Variants in ELP4 observed in about 807,000 individuals in gnomAD.
The protein encoded by ELP4 is elongator acetyltransferase complex subunit 4, also known as elongator complex protein 4.
A neutral mutation model predicts 48.9 loss-of-function variants in ELP4; 51 were observed. That is an observed-to-expected ratio of 1.04 (90% CI 0.83 to 1.32). The LOEUF (loss-of-function observed/expected upper bound fraction) is 1.32, where lower values mean the gene tolerates loss of function less well. Ranked by LOEUF, ELP4 falls within the 40% of genes most tolerant of loss-of-function variation. The pLI is 0.00. For missense variants in ELP4, 519 were observed against 514.6 expected, an observed-to-expected ratio of 1.01 and a Z score of -0.08; for synonymous variants, 210 against 189.2, an observed-to-expected ratio of 1.11 and a Z score of -0.90.
At chr11:31,572,659 T>C (rs937388272) in intron 3 of ELP4, among the ~76,000 whole-genome samples, 1 of 152,212 alleles carries the variant, frequency 6.6e-6, no homozygotes, top group African/African-American at 2.4e-5. Flanking sequence ...ACATTCTTTT[T>C]ATTGAAGTCC....
chr11:31,592,895 G>A (rs572184647), intron 3 of ELP4, among the ~76,000 whole-genome samples: 7 of 152,176 alleles, frequency 4.6e-5, no homozygotes, highest in South Asian at 4.1e-4. Context: ...TAATGTAAGA[G>A]CATTTCTTAG....
intron 3 of ELP4, among the ~76,000 whole-genome samples, chr11:31,551,707 T>C (rs1191663487): frequency 6.6e-6 from 1 of 152,200 alleles, no homozygotes; most frequent in Non-Finnish European, 1.5e-5. Flanking sequence ...GTGTCTGTTA[T>C]ACCTGAATAA....
At chr11:31,709,369 A>G (rs905340038) in intron 9 of ELP4, among the ~76,000 whole-genome samples, 1 of 152,180 alleles carries the variant, frequency 6.6e-6, no homozygotes, top group East Asian at 1.9e-4. Context: ...CTAAAACTGA[A>G]AAGCTGCTCC....
chr11:31,650,137 T>A lies in ELP4; in HGVS notation c.1059T>A (p.Ile353=). ...AAGGATTGATTCATATACGGCAGATTCCTCGGCTTAATAACTTGATCTGTG... is the reference window on the plus strand; with the variant it reads ...AAGGATTGATTCATATACGGCAGATACCTCGGCTTAATAACTTGATCTGTG... ...DYHGLIHIRQ[I]PRLNNLICDE... is the part of the protein sequence containing the mutation. The change falls in exon 9 of 10, where the codon ATT becomes ATA. Residue 353 remains isoleucine, a synonymous_variant. Transcript: ENST00000640961. 6.6e-7 allele frequency: 1 copy of A among 1,509,776 alleles called. No individual in the cohort carries two copies. Among genetic ancestry groups the A allele is most frequent in the Non-Finnish European group, 9.1e-7 (1 of 1,093,710 alleles). 93.5% of individuals were successfully genotyped at this position (1,509,776 alleles called of 1,614,324 possible).
At chr11:31,596,477 C>T (rs1957673431) in intron 4 of ELP4, among the ~76,000 whole-genome samples, 1 of 152,152 alleles carries the variant, frequency 6.6e-6, no homozygotes, top group African/African-American at 2.4e-5. Context: ...CTCCACCACA[C>T]AGAAAATTTT....
At chr11:31,565,009 C>G (rs1462038299) in intron 3 of ELP4, among the ~76,000 whole-genome samples, 1 of 152,170 alleles carries the variant, frequency 6.6e-6, no homozygotes, top group Non-Finnish European at 1.5e-5. Context: ...TAAAAGTGTT[C>G]CTATGTCTCC....
At chr11:31,541,539 A>T (rs1046070677) in intron 3 of ELP4, 1 of 152,238 alleles carries the variant, frequency 6.6e-6, no homozygotes, top group East Asian at 1.9e-4. Context: ...AAGATTTTAT[A>T]TCAAACATCT....
intron 9 of ELP4, among the ~76,000 whole-genome samples, chr11:31,733,521 G>GACATT (rs1355698263): frequency 6.8e-6 from 1 of 146,964 alleles, no homozygotes; most frequent in Non-Finnish European, 1.5e-5. Context: ...TGAAAGAGGA[G>GACATT]ACATTACAAC....
chr11:31,529,496 G>A (rs1041143367), intron 2 of ELP4, among the ~76,000 whole-genome samples: 6 of 152,134 alleles, frequency 3.9e-5, no homozygotes, highest in East Asian at 1.9e-4. Context: ...GGCATCAGTC[G>A]TAGACATTGA....
At chr11:31,653,489 G>A (rs986309327) in intron 9 of ELP4, 2 of 151,478 alleles carry the variant, frequency 1.3e-5, no homozygotes, top group African/African-American at 2.4e-5. Flanking sequence ...AGTACTATAC[G>A]AGCTTAGTTA....
chr11:31,634,398 A>G (rs1325824624), intron 7 of ELP4: 2 of 152,118 alleles, frequency 1.3e-5, no homozygotes, highest in Non-Finnish European at 2.9e-5. Flanking sequence ...AAGAAAAACA[A>G]TCATGAAAAA....
chr11:31,613,926 G>T (rs950281451), intron 5 of ELP4, among the ~76,000 whole-genome samples: 4 of 151,832 alleles, frequency 2.6e-5, no homozygotes, highest in Non-Finnish European at 5.9e-5. Flanking sequence ...GGCCAGGCTG[G>T]TCTAGAACTC....
intron 2 of ELP4, among the ~76,000 whole-genome samples, chr11:31,522,337 G>A (rs994785100): frequency 2.0e-5 from 3 of 152,074 alleles, no homozygotes; most frequent in African/African-American, 4.8e-5. Flanking sequence ...CTCAGCCTCC[G>A]TTCCTTGAAA....
chr11:31,704,878 G>A (rs994626968), intron 9 of ELP4, among the ~76,000 whole-genome samples: 1 of 151,736 alleles, frequency 6.6e-6, no homozygotes, highest in Non-Finnish European at 1.5e-5. Flanking sequence ...GGGCATGGTG[G>A]TGCGCGCCTA....
intron 9 of ELP4, among the ~76,000 whole-genome samples, chr11:31,752,697 G>A (rs1592281792): frequency 6.6e-6 from 1 of 152,144 alleles, no homozygotes; most frequent in South Asian, 2.1e-4. Flanking sequence ...AGCCGGGCAT[G>A]GTGGTGGGCG....
chr11:31,635,963 C>G (rs1944966421), intron 7 of ELP4, among the ~76,000 whole-genome samples: 1 of 151,942 alleles, frequency 6.6e-6, no homozygotes, highest in Admixed American at 6.6e-5. Context: ...GTAGCATCAC[C>G]ATGTTGTAAC....
At chr11:31,646,602 C>G (rs945450101) in intron 7 of ELP4, 2 of 151,736 alleles carry the variant, frequency 1.3e-5, no homozygotes, top group African/African-American at 4.8e-5. Context: ...TATTTGACCT[C>G]TTTCTAACAG....
At chr11:31,575,820 T>G (rs1592131194) in intron 3 of ELP4, among the ~76,000 whole-genome samples, 1 of 152,122 alleles carries the variant, frequency 6.6e-6, no homozygotes, top group Non-Finnish European at 1.5e-5. Context: ...CAACCGGTAC[T>G]AGCCACTGCA....
At chr11:31,746,914 G>GA (rs1365565250) in intron 9 of ELP4, among the ~76,000 whole-genome samples, 1 of 135,410 alleles carries the variant, frequency 7.4e-6, no homozygotes, top group Non-Finnish European at 1.6e-5. Context: ...TTTAAAAAGT[G>GA]AAAAAAATAA....
Sources: gnomAD v4.1 joint callset for allele counts (sites outside exome capture counted in the v4.1 genomes callset) on GRCh38, gnomAD v4.1.1 for gene constraint, MANE v1.5 for transcripts, NCBI Gene and HGNC (gene_info 2026-07-23, HGNC 2026-07-21) for gene names.